GOLGA7: variants seen among roughly 807,000 people sequenced by gnomAD.
The protein encoded by GOLGA7 is golgin A7.
Under a neutral mutation model 21.1 loss-of-function variants are expected in GOLGA7, and 10 were observed. The ratio of observed to expected loss-of-function variants is 0.47; its 90% CI spans 0.29 to 0.80. GOLGA7 has a LOEUF of 0.80. GOLGA7 is among the 30% of genes least tolerant of loss of function. The pLI is 0.08. For synonymous variants in GOLGA7, 64 were observed against 62.6 expected (o/e 1.02, Z -0.10); for missense variants, 114 against 166.8 (o/e 0.68, Z 1.74).
At chr8:41,501,492 CA>C (rs1329636399) in intron 2 of GOLGA7, among the ~76,000 whole-genome samples, 1 of 152,048 alleles carries the variant, frequency 6.6e-6, no homozygotes, top group African/African-American at 2.4e-5. Flanking sequence ...AATCCACCTG[CA>C]TTGGCCTCCC....
At chr8:41,498,018 A>G (rs1248849625) in intron 2 of GOLGA7, among the ~76,000 whole-genome samples, 2 of 152,128 alleles carry the variant, frequency 1.3e-5, no homozygotes, top group Non-Finnish European at 2.9e-5. Flanking sequence ...CCAGCTGCCT[A>G]CTAGCTCCCG....
intron 4 of GOLGA7, 108 bp downstream of exon 4, chr8:41,507,229 C>A: frequency 1.5e-6 from 1 of 687,322 alleles, no homozygotes; most frequent in Non-Finnish European, 2.7e-6. Context: ...AGTTAAATAA[C>A]AGTATATTTG....
intron 1 of GOLGA7, among the ~76,000 whole-genome samples, chr8:41,496,229 A>G (rs559505192): frequency 3.9e-5 from 6 of 152,252 alleles, no homozygotes; most frequent in African/African-American, 9.6e-5. Context: ...CTGGCTGTGC[A>G]TGGAAAAGAT....
rs1449074726 is a variant in GOLGA7, at chr8:41,490,598, C to T, written c.-257C>T. On this transcript the variant is annotated 5_prime_UTR_variant, in exon 1 of 5. Transcript: ENST00000357743. The stretch of plus-strand genomic sequence containing the variant: ...GACGGCGAAGGCGGTGCGACAGCAG[C>T]TGGAGGGCAGAGGAGGCGGGTTTGT... The T allele has an allele frequency of 1.7e-5, 8 of 480,766 alleles. No individual in the cohort carries two copies. The highest frequency in any genetic ancestry group is 3.0e-5 in the Non-Finnish European group (8 of 270,678). The allele number at this position is 480,766 out of a possible 1,614,324, so 29.8% of individuals were successfully genotyped here.
At chr8:41,491,105 C>T in intron 1 of GOLGA7, 140 bp downstream of exon 1, 1 of 632,176 alleles carries the variant, frequency 1.6e-6, no homozygotes, top group Admixed American at 2.7e-5. Flanking sequence ...CTTGGCCAAA[C>T]GTGTAAGAAG....
chr8:41,507,109 C>T lies in GOLGA7; in HGVS notation c.*3C>T, dbSNP rs200266263. 100 of 1,209,036 alleles carry T rather than the reference C, an allele frequency of 8.3e-5. No individual in the cohort carries two copies. The highest frequency in any genetic ancestry group is 2.6e-4 in the East Asian group (11 of 43,074). 74.9% of individuals were successfully genotyped at this position (1,209,036 alleles called of 1,614,324 possible). On this transcript the variant is annotated 3_prime_UTR_variant, in exon 4 of 5. Coordinates refer to ENST00000357743, the MANE Select transcript of GOLGA7 (RefSeq NM_001002296.2). ...GAGGCATGAGCAGTGGAAGATAAAC[C>T]GAAGAATTAAAGGTAAATATGAAAT... is the stretch of plus-strand genomic sequence containing the variant.
chr8:41,503,771 T>C (rs540377661), intron 2 of GOLGA7, among the ~76,000 whole-genome samples: 2,006 of 134,736 alleles, frequency 0.015, 23 homozygotes, highest in Non-Finnish European at 0.021. Context: ...CATTGATCTA[T>C]ATCTCTGTTT....
At chr8:41,506,907 G>A (rs930990873) in intron 3 of GOLGA7, 152 bp from the exon 4 acceptor site, 1 of 657,712 alleles carries the variant, frequency 1.5e-6, no homozygotes, top group East Asian at 2.8e-5. Context: ...TCAGCAAATT[G>A]GAGAAAGCAA....
rs768563990 is a variant in GOLGA7 at position 41,490,893 on chromosome 8, C to T, written c.39C>T (p.Phe13=). Residue 13 remains phenylalanine (F), a synonymous_variant, in exon 1 of 5, where the codon TTC becomes TTT. Coordinates refer to ENST00000357743, the MANE Select transcript of GOLGA7 (RefSeq NM_001002296.2). ...PQQAPVSGKV[F]IQRDYSSGTR... ...AGGCGCCGGTGTCCGGAAAGGTGTT[C>T]ATTCAGCGAGACTACAGCAGTGGCA... 1.2e-6 allele frequency: 2 copies of T among 1,603,872 alleles called. No homozygotes were observed. Among genetic ancestry groups the T allele is most frequent in the East Asian group, 4.5e-5 (2 of 44,424 alleles).
At chr8:41,499,383 T>C (rs1378481896) in intron 2 of GOLGA7, among the ~76,000 whole-genome samples, 1 of 152,248 alleles carries the variant, frequency 6.6e-6, no homozygotes, top group Non-Finnish European at 1.5e-5. Flanking sequence ...GAGGGCTTTC[T>C]GTATCCCAGA....
At chr8:41,492,173 G>T (rs962287898) in intron 1 of GOLGA7, among the ~76,000 whole-genome samples, 1 of 152,166 alleles carries the variant, frequency 6.6e-6, no homozygotes, top group Non-Finnish European at 1.5e-5. Context: ...GAGGTGACTT[G>T]TTTCTGAAAT....
rs1253757142 is a variant in GOLGA7, at chr8:41,510,897, C to T, written c.*1329C>T. The T allele has an allele frequency of 1.3e-5, 2 of 157,692 alleles. No homozygotes were observed. Among genetic ancestry groups the T allele is most frequent in the African/African-American group, 2.4e-5 (1 of 41,456 alleles). 9.8% of individuals were successfully genotyped at this position (157,692 alleles called of 1,614,324 possible). A position where few individuals can be genotyped will look rare whatever the true frequency, so the allele number is the denominator to read the frequency against. On this transcript the variant is annotated 3_prime_UTR_variant, in exon 5 of 5. Coordinates refer to ENST00000357743, the MANE Select transcript of GOLGA7 (RefSeq NM_001002296.2). ...GTAAAACTCATTTGTTACTTTACAG[C>T]CTGTAATAGTGTGTCTGCATTTTCA...
In GOLGA7 at chr8:41,490,917, C is replaced by T. The variant is rs1167764684; in HGVS notation, c.63C>T (p.Gly21=). Reference sequence around the variant, plus strand: ...TCATTCAGCGAGACTACAGCAGTGGCACACGCTGCCAGTTCCAGACCAAGT... The same window carrying T: ...TCATTCAGCGAGACTACAGCAGTGGTACACGCTGCCAGTTCCAGACCAAGT... ...KVFIQRDYSS[G]TRCQFQTKFP... The change falls in exon 1 of 5, where the codon GGC becomes GGT. Residue 21 remains glycine (G), a synonymous_variant. Transcript: ENST00000357743. 2 of 1,600,614 alleles carry T rather than the reference C, an allele frequency of 1.2e-6. No homozygotes were observed. The highest frequency in any genetic ancestry group is 1.7e-5 in the Admixed American group (1 of 58,454).
At chr8:41,507,255 C>A in intron 4 of GOLGA7, 134 bp downstream of exon 4, 1 of 620,200 alleles carries the variant, frequency 1.6e-6, no homozygotes, top group South Asian at 1.9e-5. Context: ...TTAGCTTAAG[C>A]TAGTCACTGT....
chr8:41,490,458 A>C (rs1383212849), upstream of GOLGA7: 1 of 192,914 alleles, frequency 5.2e-6, no homozygotes, highest in East Asian at 1.7e-4. Flanking sequence ...CCAGCCCCAC[A>C]GCGCGCAGCT....
Position 41,490,741 on chromosome 8 carries a change from C to T in GOLGA7, c.-114C>T. 1.5e-6 allele frequency: 1 copy of T among 647,182 alleles called. No homozygotes were observed. The highest frequency in any genetic ancestry group is 2.8e-6 in the Non-Finnish European group (1 of 358,234). 40.1% of individuals were successfully genotyped at this position (647,182 alleles called of 1,614,324 possible). A position where few individuals can be genotyped will look rare whatever the true frequency, so the allele number is the denominator to read the frequency against. ...GGCAGAGGAGGCCTTGGGCTGTTTT[C>T]GGCGGCGGGTGGGGGCGAGGGGCTG... On this transcript the variant is annotated 5_prime_UTR_variant, in exon 1 of 5. Coordinates refer to ENST00000357743, the MANE Select transcript of GOLGA7 (RefSeq NM_001002296.2).
intron 1 of GOLGA7, among the ~76,000 whole-genome samples, chr8:41,494,991 G>A (rs1805973474): frequency 6.6e-6 from 1 of 151,934 alleles, no homozygotes; most frequent in Non-Finnish European, 1.5e-5. Context: ...GATCACATGA[G>A]GCTAGGAGCC....
intron 2 of GOLGA7, among the ~76,000 whole-genome samples, chr8:41,500,371 AC>A (rs1163862963): frequency 1.3e-5 from 2 of 152,202 alleles, no homozygotes; most frequent in Non-Finnish European, 2.9e-5. Flanking sequence ...AGAAAGATGA[AC>A]ATACACAAAG....
Position 41,497,586 on chromosome 8 carries a change from G to T in GOLGA7, c.189G>T (p.Gln63His). The change falls in exon 2 of 5, where the codon CAG (glutamine) becomes CAT (histidine). Residue 63 changes from glutamine (Q) to histidine (H), a missense_variant. Physicochemically the swap from Gln to His is conservative, Grantham distance 24. Transcript: ENST00000357743. ...LYAEAEKLGG[Q>H]SYLEGCLACL... ...CAGAAGCAGAGAAGCTCGGCGGCCA[G>T]TCATATCTCGAAGGTTGTTTGGCTT... 6.9e-6 allele frequency: 11 copies of T among 1,587,160 alleles called. No homozygotes were observed. The highest frequency in any genetic ancestry group is 9.5e-6 in the Non-Finnish European group (11 of 1,155,490).
Sources: allele counts gnomAD v4.1 joint callset (sites outside exome capture counted in the v4.1 genomes callset), GRCh38; gene constraint gnomAD v4.1.1; transcripts MANE v1.5; gene names NCBI Gene and HGNC (gene_info 2026-07-23, HGNC 2026-07-21).